The following KAT14 variants were observed in gnomAD, a reference collection of about 807,000 sequenced individuals.
KAT14 encodes the protein cysteine-rich protein 2-binding protein.
KAT14 carries 66 observed loss-of-function variants against 78.4 expected under a neutral mutation model. The ratio of observed to expected loss-of-function variants is 0.84; its 90% CI spans 0.69 to 1.03. The LOEUF (loss-of-function observed/expected upper bound fraction) is 1.03, where lower values mean the gene tolerates loss of function less well. Ranked by LOEUF, KAT14 falls within the 50% of genes least tolerant of loss-of-function variation. KAT14 has a pLI of 0.00. For missense variants in KAT14, 870 were observed against 972.5 expected (o/e 0.89, Z 1.40); for synonymous variants, 344 against 359.4 (o/e 0.96, Z 0.48).
Position 18,162,839 on chromosome 20 carries a change from T to C in KAT14, c.1562T>C (p.Val521Ala). 3 of 1,614,206 alleles carry C rather than the reference T, an allele frequency of 1.9e-6. No individual in the cohort carries two copies. The highest frequency in any genetic ancestry group is 2.5e-6 in the Non-Finnish European group (3 of 1,180,030). The change falls in exon 7 of 11, where the codon GTT becomes GCT. Residue 521 changes from valine (V) to alanine (A), a missense_variant. By Grantham distance (64) the Val-to-Ala change is moderately conservative. Transcript: ENST00000688188. ...DQVVNAALLL[V>A]DGIYGAKEGG... ...GTTGTTAATGCTGCTCTTTTGTTAGTTGACGGGATTTATGGAGCCAAAGAA... is the reference window on the plus strand; with the variant it reads ...GTTGTTAATGCTGCTCTTTTGTTAGCTGACGGGATTTATGGAGCCAAAGAA...
In KAT14 at chr20:18,161,849, A is replaced by G. The variant is rs199807554; in HGVS notation, c.709A>G (p.Ile237Val). Reference sequence around the variant, plus strand: ...CTCAAAACCAACTTTAGATCCCATCATTACTGTTGAGGGACTTAGAAAACG... The same window carrying G: ...CTCAAAACCAACTTTAGATCCCATCGTTACTGTTGAGGGACTTAGAAAACG... ...KASKPTLDPI[I>V]TVEGLRKRAS... is the part of the protein sequence containing the mutation. Residue 237 changes from isoleucine to valine, a missense_variant, in exon 6 of 11, where the codon ATT (isoleucine) becomes GTT (valine). Physicochemically the swap from Ile to Val is conservative, Grantham distance 29. Transcript: ENST00000688188. The G allele has an allele frequency of 4.6e-5, 75 of 1,613,940 alleles. No homozygotes were observed. The Admixed American group carries it at 6.3e-4, about 14-fold the overall frequency.
rs2038327377 is a variant in KAT14 at position 18,159,167 on chromosome 20, A to G, written c.584A>G (p.Glu195Gly). The G allele has an allele frequency of 6.2e-7, 1 of 1,614,058 alleles. No homozygotes were observed. The highest frequency in any genetic ancestry group is 2.2e-5 in the East Asian group (1 of 44,886). The change falls in exon 5 of 11, where the codon GAA becomes GGA. Residue 195 changes from glutamate to glycine, a missense_variant. Transcript: ENST00000688188. ...ATGTACTTCCGTTCAGGTGCTCAGG[A>G]ATTTGGAGAGCCAGGATGGTGGAAA... ...SPMYFRSGAQ[E>G]FGEPGWWKLV...
chr20:18,163,944 C>G (rs1213193692), intron 7 of KAT14, among the ~76,000 whole-genome samples: 1 of 152,216 alleles, frequency 6.6e-6, no homozygotes, highest in Non-Finnish European at 1.5e-5. Context: ...ATAAGTATTT[C>G]TGCCAGATAG....
chr20:18,161,969 G>A lies in KAT14; in HGVS notation c.829G>A (p.Ala277Thr), dbSNP rs759917637. The A allele has an allele frequency of 6.2e-7, 1 of 1,614,254 alleles. No homozygotes were observed. Among genetic ancestry groups the A allele is most frequent in the Admixed American group, 1.7e-5 (1 of 60,036 alleles). Residue 277 changes from alanine (A) to threonine (T), a missense_variant, in exon 6 of 11, where the codon GCC (alanine) becomes ACC (threonine). Coordinates refer to ENST00000688188, the MANE Select transcript of KAT14 (RefSeq NM_001392073.1). ...AKDIRRAQKE[A>T]AGFLDRSTSS... ...AGACATTAGAAGAGCCCAGAAGGAG[G>A]CCGCTGGCTTTCTTGACAGGAGCAC...
Position 18,162,950 on chromosome 20 carries a change from ATGCAAGCACT to A in KAT14, c.1668+9_1668+18del, listed in dbSNP as rs1265383821. ...AGAATCCTTGACCGATACCAGGTGA[ATGCAAGCACT>A]TGCTGTAAAGCCCTTGGGGGCAGGA... On this transcript the variant is annotated splice_donor_region_variant and intron_variant, in intron 7 of 10. Transcript: ENST00000688188. 1 of 1,612,814 alleles carries A rather than the reference ATGCAAGCACT, an allele frequency of 6.2e-7. No homozygotes were observed. Among genetic ancestry groups the A allele is most frequent in the Admixed American group, 1.7e-5 (1 of 59,900 alleles).
chr20:18,177,655 C>G (rs1260200950), intron 7 of KAT14, among the ~76,000 whole-genome samples: 1 of 152,208 alleles, frequency 6.6e-6, no homozygotes, highest in East Asian at 1.9e-4. Context: ...GAATCTTGCT[C>G]TTTCCTTTTA....
At chr20:18,163,082 G>GA (rs1175368495) in intron 7 of KAT14, 137 bp downstream of exon 7, 10 of 1,182,596 alleles carry the variant, frequency 8.5e-6, no homozygotes, top group Admixed American at 3.0e-5. Flanking sequence ...AAGTGCAAGG[G>GA]AAAAAAATAC....
At chr20:18,150,772 C>T in intron 3 of KAT14, 49 bp from the exon 4 acceptor site, 1 of 1,607,744 alleles carries the variant, frequency 6.2e-7, no homozygotes, top group Non-Finnish European at 8.5e-7. Context: ...TCAAGATTAA[C>T]ATCCCTAACC....
chr20:18,143,370 T>C (rs1322728734), intron 2 of KAT14, among the ~76,000 whole-genome samples: 8 of 152,186 alleles, frequency 5.3e-5, no homozygotes, highest in Non-Finnish European at 1.2e-4. Flanking sequence ...TTGCCCTTTT[T>C]CTAGGACCAG....
intron 7 of KAT14, among the ~76,000 whole-genome samples, chr20:18,173,447 TTTAC>T (rs1260486372): frequency 6.6e-6 from 1 of 152,188 alleles, no homozygotes; most frequent in Non-Finnish European, 1.5e-5. Flanking sequence ...TGTTCAGTGG[TTTAC>T]TTGTTAGGCT....
At chr20:18,141,254 TAA>T (rs1332160939) in intron 1 of KAT14, among the ~76,000 whole-genome samples, 1 of 152,054 alleles carries the variant, frequency 6.6e-6, no homozygotes, top group East Asian at 1.9e-4. Context: ...CTGATGTTTT[TAA>T]AAGTCTCTTC....
intron 3 of KAT14, among the ~76,000 whole-genome samples, chr20:18,148,191 T>C (rs1241907790): frequency 6.6e-6 from 1 of 152,186 alleles, no homozygotes; most frequent in South Asian, 2.1e-4. Context: ...CAAAGAAATA[T>C]GTAGAAATGC....
chr20:18,171,074 A>C (rs1253769987), intron 7 of KAT14, among the ~76,000 whole-genome samples: 6 of 152,212 alleles, frequency 3.9e-5, no homozygotes, highest in Non-Finnish European at 8.8e-5. Context: ...AAAGACATTG[A>C]AAACCTTCTG....
intron 9 of KAT14, 41 bp downstream of exon 9, chr20:18,183,339 A>G: frequency 6.4e-7 from 1 of 1,572,964 alleles, no homozygotes; most frequent in South Asian, 1.2e-5. Flanking sequence ...ATTTTTCTGT[A>G]CAGTCCATTC....
At chr20:18,138,657 A>G (rs1205191) in intron 1 of KAT14, among the ~76,000 whole-genome samples, 80,836 of 152,030 alleles carry the variant, frequency 0.53, 21,717 homozygotes, top group East Asian at 0.69. Context: ...TTGCTATGGA[A>G]ACTAGAATCT....
intron 4 of KAT14, among the ~76,000 whole-genome samples, 180 bp downstream of exon 4, chr20:18,151,122 T>G (rs1205222): frequency 0.16 from 23,603 of 152,124 alleles, 2,127 homozygotes; most frequent in Non-Finnish European, 0.19. Context: ...CCTCCTGGGC[T>G]CAAGTAGTCC....
rs772826839 is a variant in KAT14, at chr20:18,181,792, T to C, written c.1751T>C (p.Val584Ala). The change falls in exon 8 of 11, where the codon GTG becomes GCG. Residue 584 changes from valine (V) to alanine (A), a missense_variant. By Grantham distance (64) the Val-to-Ala change is moderately conservative. Coordinates refer to ENST00000688188, the MANE Select transcript of KAT14 (RefSeq NM_001392073.1). ...TTGGTAGGATCAGAAGATATGGCTG[T>C]GGACCAGAGTATTGTCAGCCCTTAT... The part of the protein sequence containing the change: ...YRLVGSEDMA[V>A]DQSIVSPYTS... 7 of 1,613,368 alleles carry C rather than the reference T, an allele frequency of 4.3e-6. No homozygotes were observed. The East Asian group carries it at 1.6e-4, about 36-fold the overall frequency.
intron 7 of KAT14, among the ~76,000 whole-genome samples, chr20:18,181,212 T>G (rs1428273569): frequency 1.3e-5 from 2 of 152,176 alleles, no homozygotes; most frequent in Non-Finnish European, 2.9e-5. Flanking sequence ...CTGGGGTTTT[T>G]TGTGTCTAGT....
chr20:18,171,058 C>T (rs1018559667), intron 7 of KAT14, among the ~76,000 whole-genome samples: 3 of 152,124 alleles, frequency 2.0e-5, no homozygotes, highest in Non-Finnish European at 2.9e-5. Flanking sequence ...TCTGATAGAT[C>T]TGGGCAAAGA....
Sources: allele counts gnomAD v4.1 joint callset (sites outside exome capture counted in the v4.1 genomes callset), GRCh38; gene constraint gnomAD v4.1.1; transcripts MANE v1.5; gene names NCBI Gene and HGNC (gene_info 2026-07-23, HGNC 2026-07-21).